Variants in SAMMSON observed in about 807,000 individuals in gnomAD.
SAMMSON encodes long intergenic non-protein coding RNA 1212.
chr3:70,024,552 A>G (rs547021862), intron 3 of SAMMSON, among the ~76,000 whole-genome samples: 5 of 152,312 alleles, frequency 3.3e-5, no homozygotes, highest in Non-Finnish European at 5.9e-5. Flanking sequence ...TGATGCCAGG[A>G]GACCCCTCCC....
chr3:70,119,653 A>G (rs1213803252), intron 4 of SAMMSON, among the ~76,000 whole-genome samples: 6 of 152,160 alleles, frequency 3.9e-5, no homozygotes, highest in African/African-American at 1.4e-4. Flanking sequence ...TTTATATGTA[A>G]TATTAAAATA....
intron 4 of SAMMSON, chr3:70,197,193 A>G: frequency 2.5e-6 from 1 of 398,536 alleles, no homozygotes. Context: ...CCTCTGTTTA[A>G]AGAAGAAGAC....
chr3:70,053,023 T>TTACG (rs1239406368), intron 3 of SAMMSON, among the ~76,000 whole-genome samples: 1 of 152,158 alleles, frequency 6.6e-6, no homozygotes, highest in Non-Finnish European at 1.5e-5. Flanking sequence ...AATAAGCCTA[T>TTACG]CAGTGCTCTG....
chr3:70,213,611 G>T (rs1701372016), intron 4 of SAMMSON, among the ~76,000 whole-genome samples: 2 of 152,056 alleles, frequency 1.3e-5, no homozygotes, highest in Non-Finnish European at 2.9e-5. Context: ...GTTAGTAAAA[G>T]GAGTTAATTG....
intron 3 of SAMMSON, among the ~76,000 whole-genome samples, chr3:70,038,169 A>G (rs984749941): frequency 2.0e-5 from 3 of 152,158 alleles, no homozygotes; most frequent in Non-Finnish European, 4.4e-5. Flanking sequence ...TTGATCCCCA[A>G]TGTGGCAGTG....
chr3:70,093,382 G>A (rs2067312321), intron 4 of SAMMSON, among the ~76,000 whole-genome samples: 1 of 152,174 alleles, frequency 6.6e-6, no homozygotes, highest in Non-Finnish European at 1.5e-5. Flanking sequence ...ATCTGGACCA[G>A]CTGTTAAGAC....
intron 3 of SAMMSON, among the ~76,000 whole-genome samples, chr3:70,015,641 T>C (rs2066980530): frequency 6.7e-6 from 1 of 150,136 alleles, no homozygotes; most frequent in Admixed American, 6.6e-5. Context: ...TGTATACATG[T>C]GCAATGTTGG....
chr3:70,281,021 C>G (rs1055044263), intron 6 of SAMMSON, among the ~76,000 whole-genome samples: 1 of 152,090 alleles, frequency 6.6e-6, no homozygotes, highest in Non-Finnish European at 1.5e-5. Context: ...ATGACAATTT[C>G]CTTTGTATCT....
intron 9 of SAMMSON, among the ~76,000 whole-genome samples, chr3:70,383,730 T>G (rs1271627201): frequency 1.3e-5 from 2 of 151,980 alleles, no homozygotes; most frequent in African/African-American, 4.8e-5. Flanking sequence ...AGTATCTAAA[T>G]ATAGCATGTA....
chr3:70,324,112 T>C (rs1353937145), intron 7 of SAMMSON, among the ~76,000 whole-genome samples: 3 of 152,096 alleles, frequency 2.0e-5, no homozygotes, highest in Admixed American at 2.0e-4. Flanking sequence ...GCTCCCCAAA[T>C]TGTGTAAGTT....
At chr3:70,113,875 G>C (rs1245529293) in intron 4 of SAMMSON, among the ~76,000 whole-genome samples, 1 of 152,168 alleles carries the variant, frequency 6.6e-6, no homozygotes, top group African/African-American at 2.4e-5. Flanking sequence ...TCTCAGCCAT[G>C]TGAGTGCACA....
intron 4 of SAMMSON, among the ~76,000 whole-genome samples, chr3:70,164,204 A>C (rs1027047849): frequency 1.3e-4 from 20 of 152,052 alleles, no homozygotes; most frequent in Non-Finnish European, 1.6e-4. Context: ...ATGAAAGCTC[A>C]TATTTTAGTT....
intron 4 of SAMMSON, among the ~76,000 whole-genome samples, chr3:70,087,090 T>G (rs2067288056): frequency 6.6e-6 from 1 of 152,168 alleles, no homozygotes; most frequent in Admixed American, 6.5e-5. Flanking sequence ...AACTGGCCTT[T>G]GCTTTCTCCA....
intron 3 of SAMMSON, among the ~76,000 whole-genome samples, chr3:70,047,461 C>T (rs377104824): frequency 3.3e-5 from 5 of 151,676 alleles, no homozygotes; most frequent in East Asian, 3.9e-4. Flanking sequence ...CTCAGCCTCC[C>T]GAGTAGCTGG....
chr3:70,326,954 G>A (rs1439897757), intron 7 of SAMMSON, among the ~76,000 whole-genome samples: 1 of 152,148 alleles, frequency 6.6e-6, no homozygotes, highest in Non-Finnish European at 1.5e-5. Flanking sequence ...TGCCTTCTGG[G>A]TTTAAGAAAT....
At position 70,286,198 on chromosome 3, in the gene SAMMSON, A is replaced by C. The variant is rs1349112087; in HGVS notation, n.675-4981A>C. Among the ~76,000 whole-genome samples, 3 of 152,086 alleles carry C rather than the reference A, an allele frequency of 2.0e-5. No homozygotes were observed. In the South Asian group the frequency reaches 6.2e-4, roughly 32 times the overall value. ...AGGCTTTTTATGGTTTTAGGTCTAA[A>C]GTTTAAGTCTTACATCCATCTTGAA... On this transcript the variant is annotated intron_variant and non_coding_transcript_variant, in intron 6 of 9. Transcript: ENST00000642114.
At chr3:70,141,555 A>AC (rs149731348) in intron 4 of SAMMSON, among the ~76,000 whole-genome samples, 19,348 of 152,214 alleles carry the variant, frequency 0.13, 1,268 homozygotes, top group South Asian at 0.22. Context: ...AATAATATTT[A>AC]CCTGCCACCA....
chr3:70,365,929 A>G (rs1702916238), intron 9 of SAMMSON, among the ~76,000 whole-genome samples: 1 of 148,828 alleles, frequency 6.7e-6, no homozygotes, highest in African/African-American at 2.5e-5. Flanking sequence ...ATCATACAGA[A>G]TATTTTTGCC....
At chr3:70,325,969 T>C in intron 7 of SAMMSON, among the ~76,000 whole-genome samples, 1 of 152,174 alleles carries the variant, frequency 6.6e-6, no homozygotes, top group East Asian at 1.9e-4. Context: ...TTGTTACAAC[T>C]TTATTTTATC....
Sources: allele counts gnomAD v4.1 joint callset (sites outside exome capture counted in the v4.1 genomes callset), GRCh38; gene constraint gnomAD v4.1.1; transcripts MANE v1.5; gene names NCBI Gene and HGNC (gene_info 2026-07-23, HGNC 2026-07-21).